The following SLC25A33 variants were observed in gnomAD, a reference collection of about 807,000 sequenced individuals.
SLC25A33 encodes solute carrier family 25 member 33.
In SLC25A33, 15 loss-of-function variants were observed where a neutral mutation model predicts 35.5. The ratio of observed to expected loss-of-function variants is 0.42; its 90% CI spans 0.28 to 0.65. SLC25A33 has a LOEUF of 0.65. Ranked by LOEUF, SLC25A33 falls within the 30% of genes least tolerant of loss-of-function variation. SLC25A33 has a pLI of 0.20. For synonymous variants in SLC25A33, 136 were observed against 148.7 expected (o/e 0.91, Z 0.62); for missense variants, 257 against 398.5 (o/e 0.64, Z 3.02).
intron 5 of SLC25A33, among the ~76,000 whole-genome samples, chr1:9,579,151 C>T (rs185923541): frequency 6.6e-6 from 1 of 152,292 alleles, no homozygotes; most frequent in East Asian, 1.9e-4. Context: ...ACTGTCACAC[C>T]ACAACAGTCA....
chr1:9,564,834 G>A (rs1643480423), intron 2 of SLC25A33, among the ~76,000 whole-genome samples: 1 of 149,776 alleles, frequency 6.7e-6, no homozygotes, highest in African/African-American at 2.5e-5. Context: ...TGAAGCACAA[G>A]AATTGCTTGA....
chr1:9,574,851 G>A (rs554012229), intron 5 of SLC25A33, among the ~76,000 whole-genome samples: 2 of 152,218 alleles, frequency 1.3e-5, no homozygotes, highest in African/African-American at 2.4e-5. Context: ...ATTGGATTTC[G>A]GTTAGGGATT....
chr1:9,567,440 C>CT, intron 3 of SLC25A33, 79 bp downstream of exon 3: 3 of 1,282,304 alleles, frequency 2.3e-6, no homozygotes, highest in Non-Finnish European at 3.3e-6. Flanking sequence ...GGTGATGCTG[C>CT]TGAATGACCA....
intron 3 of SLC25A33, 65 bp downstream of exon 3, chr1:9,567,426 A>G: frequency 7.0e-6 from 10 of 1,428,926 alleles, no homozygotes; most frequent in Non-Finnish European, 9.7e-6. Flanking sequence ...CTTTCTTACC[A>G]AAGGGTGATG....
At chr1:9,543,507 G>A (rs1382959388) in intron 1 of SLC25A33, among the ~76,000 whole-genome samples, 2 of 152,152 alleles carry the variant, frequency 1.3e-5, no homozygotes, top group Admixed American at 6.5e-5. Context: ...GCTTTGAGGT[G>A]GCCCTTCTGT....
intron 3 of SLC25A33, 56 bp from the exon 4 acceptor site, chr1:9,570,202 G>A (rs1246765607): frequency 2.0e-6 from 3 of 1,464,474 alleles, no homozygotes; most frequent in African/African-American, 1.4e-5. Flanking sequence ...GTTCTGGAGG[G>A]ACGTATAAAG....
intron 1 of SLC25A33, among the ~76,000 whole-genome samples, chr1:9,547,671 C>T (rs774403800): frequency 2.6e-5 from 4 of 152,002 alleles, no homozygotes; most frequent in Non-Finnish European, 5.9e-5. Context: ...GCATCCCAGG[C>T]CTCTACCCAC....
At chr1:9,560,447 C>G (rs1216706288) in intron 2 of SLC25A33, among the ~76,000 whole-genome samples, 2 of 151,140 alleles carry the variant, frequency 1.3e-5, no homozygotes, top group Non-Finnish European at 2.9e-5. Flanking sequence ...GCCTGTAATC[C>G]CGGCTACTCG....
At chr1:9,572,209 T>C (rs1643599730) in intron 4 of SLC25A33, among the ~76,000 whole-genome samples, 2 of 152,238 alleles carry the variant, frequency 1.3e-5, no homozygotes, top group African/African-American at 4.8e-5. Context: ...TACTTAAAGA[T>C]AGGCCAGTAG....
intron 2 of SLC25A33, among the ~76,000 whole-genome samples, chr1:9,559,164 C>T (rs969883036): frequency 9.9e-5 from 15 of 152,164 alleles, no homozygotes; most frequent in Non-Finnish European, 1.9e-4. Flanking sequence ...CACTCCAGCC[C>T]GCCTTCCTGC....
In SLC25A33 at chr1:9,540,267, G is replaced by C. The variant is rs552117999; in HGVS notation, c.56+520G>C. ...CAAGGCCTGGGTGGTGCTGGTGAAC[G>C]GTGATGCTTGCGGCCACACGCGGGG... On this transcript the variant is annotated intron_variant, in intron 1 of 6. Transcript: ENST00000302692. Among the ~76,000 whole-genome samples, 2 of 152,306 alleles carry C rather than the reference G, an allele frequency of 1.3e-5. 1 individual carries two copies. The highest frequency in any genetic ancestry group is 4.1e-4 in the South Asian group (2 of 4,830).
intron 1 of SLC25A33, among the ~76,000 whole-genome samples, chr1:9,546,326 A>C (rs1431019631): frequency 6.6e-6 from 1 of 151,762 alleles, no homozygotes; most frequent in East Asian, 2.0e-4. Context: ...CTGGGACTAT[A>C]GGCACCCGCC....
intron 5 of SLC25A33, among the ~76,000 whole-genome samples, chr1:9,577,771 G>A (rs1643683080): frequency 6.6e-6 from 1 of 152,122 alleles, no homozygotes; most frequent in Non-Finnish European, 1.5e-5. Flanking sequence ...GGAGACATTT[G>A]AAGTTGCCAC....
At chr1:9,540,999 A>G (rs955013070) in intron 1 of SLC25A33, among the ~76,000 whole-genome samples, 1 of 150,298 alleles carries the variant, frequency 6.7e-6, no homozygotes, top group African/African-American at 2.5e-5. Flanking sequence ...TTTTTTTTTG[A>G]GAGGGAGTCT....
intron 6 of SLC25A33, 47 bp downstream of exon 6, chr1:9,580,281 T>C (rs1261788747): frequency 6.3e-7 from 1 of 1,589,258 alleles, no homozygotes; most frequent in Non-Finnish European, 8.6e-7. Flanking sequence ...AGCTGTCACG[T>C]TTGTTGTTTG....
At chr1:9,577,855 C>T (rs72867818) in intron 5 of SLC25A33, among the ~76,000 whole-genome samples, 44 of 152,306 alleles carry the variant, frequency 2.9e-4, no homozygotes, top group African/African-American at 1.0e-3. Context: ...AGGCACATGA[C>T]AGCCTGCTTC....
chr1:9,576,884 G>T, intron 5 of SLC25A33: 1 of 1,281,550 alleles, frequency 7.8e-7, no homozygotes, highest in Non-Finnish European at 1.1e-6. Flanking sequence ...TTCAAATTCA[G>T]TTGCCTTGAT....
chr1:9,569,685 C>T (rs2100402229), intron 3 of SLC25A33, among the ~76,000 whole-genome samples: 1 of 152,166 alleles, frequency 6.6e-6, no homozygotes, highest in Non-Finnish European at 1.5e-5. Context: ...CTCCTATTTC[C>T]CAGCCCCAAC....
At chr1:9,575,382 C>G (rs1053244643) in intron 5 of SLC25A33, among the ~76,000 whole-genome samples, 1 of 151,230 alleles carries the variant, frequency 6.6e-6, no homozygotes, top group Non-Finnish European at 1.5e-5. Context: ...TTTGGGAGGC[C>G]GAGGCGGGTG....
Sources: gnomAD v4.1 joint callset for allele counts (sites outside exome capture counted in the v4.1 genomes callset) on GRCh38, gnomAD v4.1.1 for gene constraint, MANE v1.5 for transcripts, NCBI Gene and HGNC (gene_info 2026-07-23, HGNC 2026-07-21) for gene names.